Variants in TMEM135 observed in about 807,000 individuals in gnomAD.
TMEM135 encodes the protein peroxisomal membrane protein 52.
Under a neutral mutation model 60.3 loss-of-function variants are expected in TMEM135, and 30 were observed. The observed-to-expected ratio is 0.50, with a 90% CI of 0.37 to 0.68. TMEM135 has a LOEUF of 0.68. Ranked by LOEUF, TMEM135 falls within the 30% of genes least tolerant of loss-of-function variation. The pLI is 0.00. For missense variants in TMEM135, 468 were observed against 548.8 expected, an observed-to-expected ratio of 0.85 and a Z score of 1.47; for synonymous variants, 190 against 186.7, an observed-to-expected ratio of 1.02 and a Z score of -0.14.
At chr11:87,089,069 G>A (rs978546459) in intron 3 of TMEM135, among the ~76,000 whole-genome samples, 4 of 152,044 alleles carry the variant, frequency 2.6e-5, no homozygotes, top group Non-Finnish European at 5.9e-5. Flanking sequence ...CCAAGTATAA[G>A]GTGTATATGA....
At chr11:87,138,767 AAGAGC>A (rs1938182521) in intron 4 of TMEM135, among the ~76,000 whole-genome samples, 1 of 152,230 alleles carries the variant, frequency 6.6e-6, no homozygotes, top group Non-Finnish European at 1.5e-5. Context: ...ACACAGGTGC[AAGAGC>A]ACTCATCTGC....
At chr11:87,203,304 A>G in intron 5 of TMEM135, among the ~76,000 whole-genome samples, 1 of 152,142 alleles carries the variant, frequency 6.6e-6, no homozygotes, top group Middle Eastern at 3.2e-3. Context: ...ATCCATCATT[A>G]TAGTATCATA....
chr11:87,042,028 A>G (rs1020996116), intron 1 of TMEM135, among the ~76,000 whole-genome samples: 2 of 152,362 alleles, frequency 1.3e-5, no homozygotes, highest in African/African-American at 4.8e-5. Flanking sequence ...AGGTTCACCA[A>G]AAATCACTGA....
intron 5 of TMEM135, among the ~76,000 whole-genome samples, chr11:87,165,976 A>G (rs1333168333): frequency 6.6e-6 from 1 of 150,578 alleles, no homozygotes; most frequent in East Asian, 1.9e-4. Flanking sequence ...ACGCGAATGA[A>G]CTAGAAAATC....
intron 7 of TMEM135, among the ~76,000 whole-genome samples, chr11:87,298,343 T>C: frequency 6.6e-6 from 1 of 152,168 alleles, no homozygotes; most frequent in East Asian, 1.9e-4. Flanking sequence ...AGGAAGTGCT[T>C]ATCTCATACA....
intron 1 of TMEM135, 22 bp from the exon 2 acceptor site, chr11:87,067,671 CA>C (rs1275610589): frequency 1.3e-5 from 21 of 1,612,598 alleles, no homozygotes; most frequent in African/African-American, 2.7e-5. Context: ...TTGGATTAAA[CA>C]AAAAATCCTT....
intron 5 of TMEM135, among the ~76,000 whole-genome samples, chr11:87,172,972 A>G (rs1397544325): frequency 6.6e-6 from 1 of 151,820 alleles, no homozygotes; most frequent in Non-Finnish European, 1.5e-5. Context: ...TACTAAAATT[A>G]TTACACTTAA....
chr11:87,296,723 T>G (rs1942354097), intron 7 of TMEM135, among the ~76,000 whole-genome samples: 1 of 152,192 alleles, frequency 6.6e-6, no homozygotes, highest in African/African-American at 2.4e-5. Context: ...ATGTTGGATA[T>G]TATTTTTGTT....
intron 5 of TMEM135, among the ~76,000 whole-genome samples, chr11:87,220,148 G>T (rs1335341115): frequency 6.6e-6 from 1 of 152,098 alleles, no homozygotes; most frequent in African/African-American, 2.4e-5. Flanking sequence ...CTCCTAACTT[G>T]ATTAAGATGA....
intron 9 of TMEM135, among the ~76,000 whole-genome samples, chr11:87,306,468 T>TA (rs957498031): frequency 7.9e-5 from 12 of 151,152 alleles, no homozygotes; most frequent in African/African-American, 2.9e-4. Flanking sequence ...GTAAAACTAT[T>TA]ACTTTTTTTT....
At position 87,321,570 on chromosome 11, in the gene TMEM135, C is replaced by CATT. The variant is rs568065871; in HGVS notation, c.*240_*242dup. The stretch of plus-strand genomic sequence containing the variant: ...GATTCTGGATCACTGTAGTGACTGA[C>CATT]ATTATATATTATTGATCAAATTATG... On this transcript the variant is annotated 3_prime_UTR_variant, in exon 15 of 15. Transcript: ENST00000305494. 3.9e-4 allele frequency: 254 copies of CATT among 648,328 alleles called. No individual in the cohort carries two copies. The African/African-American group carries it at 4.4e-3, about 11-fold the overall frequency. 40.2% of individuals were successfully genotyped at this position (648,328 alleles called of 1,614,324 possible). A position where few individuals can be genotyped will look rare whatever the true frequency, so the allele number is the denominator to read the frequency against.
chr11:87,308,878 T>G (rs1285237234), intron 9 of TMEM135, among the ~76,000 whole-genome samples: 1 of 152,136 alleles, frequency 6.6e-6, no homozygotes, highest in Non-Finnish European at 1.5e-5. Context: ...GTAGTGGGTT[T>G]GCTTTTTCAA....
chr11:87,158,439 T>C (rs1938764977), intron 5 of TMEM135, among the ~76,000 whole-genome samples: 1 of 151,460 alleles, frequency 6.6e-6, no homozygotes, highest in Non-Finnish European at 1.5e-5. Flanking sequence ...TATTTAATTA[T>C]ATATTTGCAA....
chr11:87,037,995 C>T lies in TMEM135; in HGVS notation c.-51C>T. ...GGCGGCTGGGCTCTCGCGCCCCTCC[C>T]TGCAGGGCTCAGGCTCTCCCCCTCC... is the stretch of plus-strand genomic sequence containing the variant. On this transcript the variant is annotated 5_prime_UTR_variant, in exon 1 of 15. Transcript: ENST00000305494. The T allele has an allele frequency of 6.2e-7, 1 of 1,610,990 alleles. No individual in the cohort carries two copies. The highest frequency in any genetic ancestry group is 8.5e-7 in the Non-Finnish European group (1 of 1,179,888).
At chr11:87,146,227 C>T (rs746106953) in intron 4 of TMEM135, among the ~76,000 whole-genome samples, 1 of 152,250 alleles carries the variant, frequency 6.6e-6, no homozygotes, top group Non-Finnish European at 1.5e-5. Context: ...TGTCAAAAAT[C>T]AGTGGAAGCC....
Position 87,265,537 on chromosome 11 carries a change from G to A in TMEM135, c.509+28853G>A, listed in dbSNP as rs150386922. On this transcript the variant is annotated intron_variant, in intron 6 of 14. Coordinates refer to ENST00000305494, the MANE Select transcript of TMEM135 (RefSeq NM_022918.4). ...TTTCTTTTGTTTGACTACTATGTCA[G>A]ATCAAATTTTAATAAGCATCTAAAC... Among the ~76,000 whole-genome samples, 12 of 151,992 alleles carry A rather than the reference G, an allele frequency of 7.9e-5. No homozygotes were observed. In the East Asian group the frequency reaches 2.3e-3, roughly 29 times the overall value.
chr11:87,133,012 C>T (rs1403347840), intron 4 of TMEM135, among the ~76,000 whole-genome samples: 3 of 152,098 alleles, frequency 2.0e-5, no homozygotes, highest in African/African-American at 4.8e-5. Context: ...CCAGGACAGT[C>T]GATGTGGTAA....
At chr11:87,053,392 T>C (rs1949860373) in intron 1 of TMEM135, among the ~76,000 whole-genome samples, 2 of 152,110 alleles carry the variant, frequency 1.3e-5, no homozygotes, top group South Asian at 4.1e-4. Flanking sequence ...TCTATCTGTA[T>C]AAGCTTTGGA....
intron 4 of TMEM135, among the ~76,000 whole-genome samples, chr11:87,140,833 T>C (rs1439912550): frequency 1.3e-5 from 2 of 152,212 alleles, no homozygotes; most frequent in Non-Finnish European, 1.5e-5. Flanking sequence ...TTGAGGTTCA[T>C]ATATTTCCGT....
Sources: gnomAD v4.1 joint callset for allele counts (sites outside exome capture counted in the v4.1 genomes callset) on GRCh38, gnomAD v4.1.1 for gene constraint, MANE v1.5 for transcripts, NCBI Gene and HGNC (gene_info 2026-07-23, HGNC 2026-07-21) for gene names.